The following DYNC2H1 variants were observed in gnomAD, a reference collection of about 807,000 sequenced individuals.
The protein encoded by DYNC2H1 is cytoplasmic dynein 2 heavy chain 1.
Under a neutral mutation model 570.0 loss-of-function variants are expected in DYNC2H1, and 410 were observed. The observed-to-expected ratio is 0.72, with a 90% CI of 0.66 to 0.78. The LOEUF (loss-of-function observed/expected upper bound fraction) is 0.78. DYNC2H1 is among the 30% of genes least tolerant of loss of function. DYNC2H1 has a pLI of 0.00. For synonymous variants in DYNC2H1, 1,688 were observed against 1,677.6 expected (o/e 1.01, Z -0.15); for missense variants, 4,865 against 5,046.4 (o/e 0.96, Z 1.09).
At chr11:103,118,526 TA>T (rs1858538085) in intron 6 of DYNC2H1, among the ~76,000 whole-genome samples, 2 of 152,118 alleles carry the variant, frequency 1.3e-5, no homozygotes, top group African/African-American at 2.4e-5. Flanking sequence ...CCTTTTTTTT[TA>T]AATGGAATAT....
chr11:103,146,355 C>T (rs1018232460), intron 18 of DYNC2H1, among the ~76,000 whole-genome samples: 1 of 152,076 alleles, frequency 6.6e-6, no homozygotes, highest in Non-Finnish European at 1.5e-5. Flanking sequence ...TGAGATTTTC[C>T]TCAGATGACT....
At chr11:103,260,739 C>T (rs1301078536) in intron 70 of DYNC2H1, among the ~76,000 whole-genome samples, 1 of 151,506 alleles carries the variant, frequency 6.6e-6, no homozygotes, top group South Asian at 2.1e-4. Flanking sequence ...CCTGCTTCAG[C>T]CTCCCAAGTA....
chr11:103,443,641 A>G (rs536430956), intron 85 of DYNC2H1, among the ~76,000 whole-genome samples: 7 of 147,936 alleles, frequency 4.7e-5, no homozygotes, highest in Admixed American at 1.3e-4. Context: ...TTGGTAATCT[A>G]TGTCAGTGAT....
intron 83 of DYNC2H1, among the ~76,000 whole-genome samples, chr11:103,380,982 A>G (rs867968553): frequency 1.8e-4 from 27 of 152,210 alleles, no homozygotes; most frequent in African/African-American, 5.5e-4. Flanking sequence ...GGTTAATATC[A>G]TGCTGGAGTG....
In DYNC2H1 at chr11:103,321,337, A is replaced by G. The variant is rs1329613127; in HGVS notation, c.11934+100A>G. On this transcript the variant is annotated intron_variant, in intron 81 of 88. Coordinates refer to ENST00000375735, the MANE Select transcript of DYNC2H1 (RefSeq NM_001377.3). ...TTACTTCTTTTCAAATGCACAAGTA[A>G]TTATTCACAGTTTGGATTATTTGTT... is the stretch of plus-strand genomic sequence containing the variant. 7.1e-6 allele frequency: 8 copies of G among 1,127,150 alleles called. No homozygotes were observed. The East Asian group carries it at 2.1e-4, about 29-fold the overall frequency. The allele number at this position is 1,127,150 out of a possible 1,614,324, so 69.8% of individuals were successfully genotyped here.
At chr11:103,304,568 A>AT in intron 76 of DYNC2H1, 27 bp from the exon 77 acceptor site, 1 of 1,602,660 alleles carries the variant, frequency 6.2e-7, no homozygotes. Context: ...CTGTTTTTAA[A>AT]TTTTGTTTGT....
chr11:103,469,387 C>T (rs532081287), intron 88 of DYNC2H1, among the ~76,000 whole-genome samples: 6 of 152,218 alleles, frequency 3.9e-5, no homozygotes, highest in African/African-American at 1.4e-4. Flanking sequence ...TTTAAGAATG[C>T]ACATATGACT....
chr11:103,269,157 G>A (rs1280873409), intron 70 of DYNC2H1, among the ~76,000 whole-genome samples: 1 of 152,110 alleles, frequency 6.6e-6, no homozygotes, highest in African/African-American at 2.4e-5. Context: ...TTGTGAACAT[G>A]TGAAAATCAT....
Position 103,135,491 on chromosome 11 carries a change from T to G in DYNC2H1, c.2206-4T>G, listed in dbSNP as rs376966908. 37 of 1,542,116 alleles carry G rather than the reference T, an allele frequency of 2.4e-5. No individual in the cohort carries two copies. The highest frequency in any genetic ancestry group is 3.1e-5 in the Non-Finnish European group (36 of 1,147,126). ...AAATTAAAAATGTGAATGTAACATA[T>G]TAGGGATTCCAAGCAAGTGACATGC... On this transcript the variant is annotated splice_region_variant and splice_polypyrimidine_tract_variant and intron_variant, in intron 15 of 88. Coordinates refer to ENST00000375735, the MANE Select transcript of DYNC2H1 (RefSeq NM_001377.3).
chr11:103,177,913 A>G lies in DYNC2H1; in HGVS notation c.6139+93A>G, dbSNP rs1387292205. 11 of 1,369,970 alleles carry G rather than the reference A, an allele frequency of 8.0e-6. No individual in the cohort carries two copies. The highest frequency in any genetic ancestry group is 3.2e-5 in the Admixed American group (1 of 31,696). The allele number at this position is 1,369,970 out of a possible 1,614,324, so 84.9% of individuals were successfully genotyped here. On this transcript the variant is annotated intron_variant, in intron 38 of 88. Transcript: ENST00000375735. This position sits in a 1 kb window ranked among gnomAD's most constrained non-coding sequence, Gnocchi z 4.4. ...ATGCTGTCTTTGTCAAGACTTCTAC[A>G]TGACCATAAAGTCATAATTAAGTTA... is the stretch of plus-strand genomic sequence containing the variant.
Position 103,450,439 on chromosome 11 carries a change from A to G in DYNC2H1, c.12457-4747A>G, listed in dbSNP as rs1944560039. 3.3e-5 allele frequency among the ~76,000 whole-genome samples: 5 copies of G among 152,218 alleles called. No homozygotes were observed. In the South Asian group the frequency reaches 1.0e-3, roughly 31 times the overall value. ...ACAGTGGTAGGTCACATTCTGTGCC[A>G]TACAGCTAGTCTAAATAAATCTAAC... On this transcript the variant is annotated intron_variant, in intron 85 of 88. Coordinates refer to ENST00000375735, the MANE Select transcript of DYNC2H1 (RefSeq NM_001377.3).
Position 103,201,492 on chromosome 11 carries a change from AAACAACAAC to A in DYNC2H1, c.8197+1351_8197+1359del, listed in dbSNP as rs578105376. The stretch of plus-strand genomic sequence containing the variant: ...ACGTTAGAATCACTAGGATAATTAA[AAACAACAAC>A]AACAACAACAACTAAAAACGAATTC... On this transcript the variant is annotated intron_variant, in intron 50 of 88. Transcript: ENST00000375735. The surrounding 1 kb of genome is among the most constrained non-coding windows in gnomAD (Gnocchi z 4.8). Among the ~76,000 whole-genome samples the A allele has an allele frequency of 6.6e-6, 1 of 152,098 alleles. No homozygotes were observed. Among genetic ancestry groups the A allele is most frequent in the African/African-American group, 2.4e-5 (1 of 41,414 alleles).
Position 103,369,993 on chromosome 11 carries a change from G to C in DYNC2H1, c.12156+11634G>C, listed in dbSNP as rs1056942628. 2.0e-5 allele frequency among the ~76,000 whole-genome samples: 3 copies of C among 152,220 alleles called. No individual in the cohort carries two copies. Among genetic ancestry groups the C allele is most frequent in the African/African-American group, 7.2e-5 (3 of 41,472 alleles). The stretch of plus-strand genomic sequence containing the variant: ...CATTAGGTAGAAGCTTGGCTACAGA[G>C]ATAGGACACCAAAGAGGCTCTTGGA... On this transcript the variant is annotated intron_variant, in intron 83 of 88. Coordinates refer to ENST00000375735, the MANE Select transcript of DYNC2H1 (RefSeq NM_001377.3). This position sits in a 1 kb window ranked among gnomAD's most constrained non-coding sequence, Gnocchi z 4.0.
At chr11:103,123,251 T>C (rs1858814688) in intron 11 of DYNC2H1, among the ~76,000 whole-genome samples, 1 of 152,212 alleles carries the variant, frequency 6.6e-6, no homozygotes, top group Non-Finnish European at 1.5e-5. Context: ...AGGATTAGTC[T>C]TTCCCCATGT....
chr11:103,116,603 G>C lies in DYNC2H1; in HGVS notation c.655G>C (p.Glu219Gln). The change falls in exon 5 of 89, where the codon GAA (glutamate) becomes CAA (glutamine). Residue 219 changes from glutamate (E) to glutamine (Q), a missense_variant. Glu to Gln is a conservative substitution (Grantham distance 29). Coordinates refer to ENST00000375735, the MANE Select transcript of DYNC2H1 (RefSeq NM_001377.3). Reference protein sequence around the residue: ...FYNLDSLSLLEVVDLVETTQD... With the variant: ...FYNLDSLSLLQVVDLVETTQD... ...TAACTTGGACAGTCTATCCTTACTAGAAGTTGTTGACTTGGTGGAGACTAC... is the reference window on the plus strand; with the variant it reads ...TAACTTGGACAGTCTATCCTTACTACAAGTTGTTGACTTGGTGGAGACTAC... The C allele has an allele frequency of 6.2e-7, 1 of 1,607,710 alleles. No homozygotes were observed. Among genetic ancestry groups the C allele is most frequent in the South Asian group, 1.1e-5 (1 of 90,056 alleles).
chr11:103,251,194 A>C (rs1270425655), intron 65 of DYNC2H1, among the ~76,000 whole-genome samples: 4 of 151,982 alleles, frequency 2.6e-5, no homozygotes, highest in Non-Finnish European at 5.9e-5. Context: ...ATATTTTGAA[A>C]GCTATGTTAT....
intron 87 of DYNC2H1, among the ~76,000 whole-genome samples, chr11:103,467,538 TTTG>T (rs1565625400): frequency 2.1e-5 from 3 of 141,154 alleles, no homozygotes; most frequent in Admixed American, 7.4e-5. Context: ...TTTGTTTTGT[TTTG>T]TTTTGTTTTG....
chr11:103,331,389 G>A (rs1445781437), intron 82 of DYNC2H1, among the ~76,000 whole-genome samples: 2 of 151,968 alleles, frequency 1.3e-5, no homozygotes, highest in Admixed American at 1.3e-4. Flanking sequence ...TTGTGGGGAG[G>A]GGTCCATAAA....
At chr11:103,426,353 A>C (rs536945950) in intron 84 of DYNC2H1, among the ~76,000 whole-genome samples, 31 of 152,096 alleles carry the variant, frequency 2.0e-4, no homozygotes, top group Admixed American at 3.3e-4. Flanking sequence ...GTGTGTCTTT[A>C]ATTCCTCTAG....
Sources: allele counts gnomAD v4.1 joint callset (sites outside exome capture counted in the v4.1 genomes callset), GRCh38; gene constraint gnomAD v4.1.1; non-coding constraint Gnocchi (gnomAD v3.1); transcripts MANE v1.5; gene names NCBI Gene and HGNC (gene_info 2026-07-23, HGNC 2026-07-21).